DFFA: variants seen among roughly 807,000 people sequenced by gnomAD.
DFFA encodes DFF45.
A neutral mutation model predicts 28.0 loss-of-function variants in DFFA; 14 were observed. That is an observed-to-expected ratio of 0.50 (90% CI 0.33 to 0.78). DFFA has a LOEUF of 0.78. Among genes scored for constraint, DFFA ranks in the 30% least tolerant of loss-of-function variants. The probability of loss-of-function intolerance (pLI) is 0.02; values close to 1 mark genes in which losing one functional copy is unlikely to be tolerated. For missense variants in DFFA, 395 were observed against 407.1 expected (o/e 0.97, Z 0.26); for synonymous variants, 158 against 170.3 (o/e 0.93, Z 0.56).
rs751789370 is a variant in DFFA at position 10,472,342 on chromosome 1, G to A, written c.117C>T (p.Leu39=). Reference sequence around the variant, plus strand: ...GCCAACCCTTGCTCCTCAGGTCTTCGAGGCAGGAGGCGGCCACGCCGTGCT... The same window carrying A: ...GCCAACCCTTGCTCCTCAGGTCTTCAAGGCAGGAGGCGGCCACGCCGTGCT... ...REQHGVAASC[L]EDLRSKACDI... Residue 39 remains leucine, a synonymous_variant, in exon 1 of 6, where the codon CTC becomes CTT. Transcript: ENST00000377038. The surrounding 1 kb of genome is among the most constrained non-coding windows in gnomAD (Gnocchi z 5.0). 1.4e-5 allele frequency: 22 copies of A among 1,607,048 alleles called. No homozygotes were observed. The South Asian group carries it at 2.2e-4, about 16-fold the overall frequency.
chr1:10,463,219 A>G lies in DFFA; in HGVS notation c.632-10T>C. 2 of 1,612,354 alleles carry G rather than the reference A, an allele frequency of 1.2e-6. No homozygotes were observed. Among genetic ancestry groups the G allele is most frequent in the African/African-American group, 1.3e-5 (1 of 75,032 alleles). On this transcript the variant is annotated splice_polypyrimidine_tract_variant and intron_variant, in intron 4 of 5. Transcript: ENST00000377038. The stretch of plus-strand genomic sequence containing the variant: ...AAGGCAGCTTTGGACTCTGCAAAGG[A>G]GACACGAGACAGAGATCAGACGTGG...
Position 10,460,539 on chromosome 1 carries a change from T to C in DFFA, c.*951A>G, listed in dbSNP as rs1383541677. ...CACTGTCGTGCCTGTCCTTTTTTTT[T>C]TTTTTTTTGAGACAGAGTGTCACTC... On this transcript the variant is annotated 3_prime_UTR_variant, in exon 6 of 6. Transcript: ENST00000377038. The C allele has an allele frequency of 6.7e-6, 1 of 149,656 alleles. No homozygotes were observed. Among genetic ancestry groups the C allele is most frequent in the Non-Finnish European group, 1.5e-5 (1 of 67,468 alleles). 9.3% of individuals were successfully genotyped at this position (149,656 alleles called of 1,614,324 possible).
rs1234238508 is a variant in DFFA at position 10,461,213 on chromosome 1, CT to C, written c.*276del. 5.2e-6 allele frequency: 2 copies of C among 385,588 alleles called. No individual in the cohort carries two copies. Among genetic ancestry groups the C allele is most frequent in the Non-Finnish European group, 9.4e-6 (2 of 211,930 alleles). 23.9% of individuals were successfully genotyped at this position (385,588 alleles called of 1,614,324 possible). On this transcript the variant is annotated 3_prime_UTR_variant, in exon 6 of 6. Transcript: ENST00000377038. ...GTGAGCCACTGCGCCTGGCCAATCA[CT>C]GCCAATTACTTTTGAACAGAGAACA...
intron 3 of DFFA, among the ~76,000 whole-genome samples, chr1:10,465,267 G>C (rs1226395207): frequency 6.6e-6 from 1 of 151,618 alleles, no homozygotes; most frequent in Admixed American, 6.6e-5. Context: ...GCTAATTTTT[G>C]TAATTTTTTT....
At chr1:10,461,866 G>GT (rs1194337548) in intron 5 of DFFA, 164 bp from the exon 6 acceptor site, 14 of 985,318 alleles carry the variant, frequency 1.4e-5, no homozygotes, top group East Asian at 1.1e-4. Flanking sequence ...CGGGCTTTTT[G>GT]TTTTTTGAGA....
chr1:10,471,799 C>A lies in DFFA; in HGVS notation c.136+524G>T, dbSNP rs541870849. Among the ~76,000 whole-genome samples the A allele has an allele frequency of 2.6e-5, 4 of 152,270 alleles. No homozygotes were observed. In the East Asian group the frequency reaches 7.7e-4, roughly 29 times the overall value. On this transcript the variant is annotated intron_variant, in intron 1 of 5. Transcript: ENST00000377038. Reference sequence around the variant, plus strand: ...GTTGAGAGCTGGTTAAGTGCAAGGCCAAGCAGCTGGTAAAGGTATGGGGCC... The same window carrying A: ...GTTGAGAGCTGGTTAAGTGCAAGGCAAAGCAGCTGGTAAAGGTATGGGGCC...
In DFFA at chr1:10,467,307, T is replaced by C. The variant is rs1188138733; in HGVS notation, c.324A>G (p.Gln108=). The C allele has an allele frequency of 2.5e-6, 4 of 1,614,130 alleles. No homozygotes were observed. The highest frequency in any genetic ancestry group is 3.4e-6 in the Non-Finnish European group (4 of 1,180,016). The change falls in exon 3 of 6, where the codon CAA becomes CAG. Residue 108 remains glutamine, a synonymous_variant. Coordinates refer to ENST00000377038, the MANE Select transcript of DFFA (RefSeq NM_004401.3). The part of the protein sequence containing the change: ...NSDGGTAWIS[Q]ESFDVDETDS... ...CTGTTTCATCTACATCAAAGGACTCTTGGGAAATCCAAGCTGTACCTCCAT... is the reference window on the plus strand; with the variant it reads ...CTGTTTCATCTACATCAAAGGACTCCTGGGAAATCCAAGCTGTACCTCCAT...
In DFFA at chr1:10,461,238, C is replaced by T; in HGVS notation, c.*252G>A. On this transcript the variant is annotated 3_prime_UTR_variant, in exon 6 of 6. Coordinates refer to ENST00000377038, the MANE Select transcript of DFFA (RefSeq NM_004401.3). ...CTGCCAATTACTTTTGAACAGAGAA[C>T]ATCATATGTAATTAGAGGAGGCGGG... is the stretch of plus-strand genomic sequence containing the variant. 2.0e-6 allele frequency: 1 copy of T among 498,086 alleles called. No homozygotes were observed. The highest frequency in any genetic ancestry group is 3.6e-6 in the Non-Finnish European group (1 of 281,188). The allele number at this position is 498,086 out of a possible 1,614,324, so 30.9% of individuals were successfully genotyped here.
chr1:10,461,778 G>C, intron 5 of DFFA, 76 bp from the exon 6 acceptor site: 1 of 1,577,300 alleles, frequency 6.3e-7, no homozygotes, highest in Non-Finnish European at 8.6e-7. Context: ...CTCTCTTTTG[G>C]GGAGTGCAAT....
Position 10,461,125 on chromosome 1 carries a change from T to C in DFFA, c.*365A>G, listed in dbSNP as rs747635394. 139 of 181,150 alleles carry C rather than the reference T, an allele frequency of 7.7e-4. 1 individual carries two copies. The highest frequency in any genetic ancestry group is 1.9e-4 in the Non-Finnish European group (16 of 84,454). 11.2% of individuals were successfully genotyped at this position (181,150 alleles called of 1,614,324 possible). On this transcript the variant is annotated 3_prime_UTR_variant, in exon 6 of 6. Coordinates refer to ENST00000377038, the MANE Select transcript of DFFA (RefSeq NM_004401.3). ...CAGGGTTTCACCATGTTAGCCAGGA[T>C]GGTCTCGATCTCCTGACTTCACGAT...
chr1:10,461,894 A>C, intron 5 of DFFA, 192 bp from the exon 6 acceptor site: 1 of 982,668 alleles, frequency 1.0e-6, no homozygotes, highest in Non-Finnish European at 1.2e-6. Context: ...TCGCTCTGTC[A>C]CCCAGGCTGG....
At chr1:10,469,372 T>C in intron 1 of DFFA, 34 bp from the exon 2 acceptor site, 1 of 1,606,006 alleles carries the variant, frequency 6.2e-7, no homozygotes, top group Non-Finnish European at 8.5e-7. Context: ...AAATGACAAA[T>C]AACCGTAAGG....
rs773934021 is a variant in DFFA, at chr1:10,472,380, A to G, written c.79T>C (p.Tyr27His). Residue 27 changes from tyrosine (Y) to histidine (H), a missense_variant, in exon 1 of 6, where the codon TAC becomes CAC. Coordinates refer to ENST00000377038, the MANE Select transcript of DFFA (RefSeq NM_004401.3). This position sits in a 1 kb window ranked among gnomAD's most constrained non-coding sequence, Gnocchi z 5.0. ...TLKPCLLRRN[Y>H]SREQHGVAAS... ...GCCACGCCGTGCTGTTCGCGGCTGT[A>G]GTTGCGGCGCAGCAGACACGGCTTT... 4.3e-6 allele frequency: 7 copies of G among 1,612,226 alleles called. No individual in the cohort carries two copies. The Admixed American group carries it at 1.2e-4, about 27-fold the overall frequency.
chr1:10,461,287 T>C lies in DFFA; in HGVS notation c.*203A>G. On this transcript the variant is annotated 3_prime_UTR_variant, in exon 6 of 6. Coordinates refer to ENST00000377038, the MANE Select transcript of DFFA (RefSeq NM_004401.3). Reference sequence around the variant, plus strand: ...GGATATTGTTGGTGCAGCTATATCATTCAAAATTGGCAGAAGTCCTGAAGC... The same window carrying C: ...GGATATTGTTGGTGCAGCTATATCACTCAAAATTGGCAGAAGTCCTGAAGC... The C allele has an allele frequency of 3.0e-6, 2 of 674,124 alleles. No homozygotes were observed. Among genetic ancestry groups the C allele is most frequent in the South Asian group, 4.1e-5 (2 of 49,016 alleles). 41.8% of individuals were successfully genotyped at this position (674,124 alleles called of 1,614,324 possible). A position where few individuals can be genotyped will look rare whatever the true frequency, so the allele number is the denominator to read the frequency against.
rs1359913922 is a variant in DFFA at position 10,463,075 on chromosome 1, A to G, written c.766T>C (p.Ser256Pro). Residue 256 changes from serine to proline, a missense_variant, in exon 5 of 6, where the codon TCT (serine) becomes CCT (proline). Physicochemically the swap from Ser to Pro is moderately conservative, Grantham distance 74 (BLOSUM62 -1). Coordinates refer to ENST00000377038, the MANE Select transcript of DFFA (RefSeq NM_004401.3). ...CCGCCCACCTCCAAATCCTGACTAG[A>G]TAAGCTCAGCTCTGGAGCCTGCTTC... ...REKQAPELSL[S>P]SQDLELVTKE... The G allele has an allele frequency of 5.6e-6, 9 of 1,614,114 alleles. No homozygotes were observed. The highest frequency in any genetic ancestry group is 5.9e-6 in the Non-Finnish European group (7 of 1,180,026).
intron 4 of DFFA, 106 bp from the exon 5 acceptor site, chr1:10,463,315 G>A (rs565784702): frequency 4.0e-5 from 62 of 1,545,094 alleles, no homozygotes; most frequent in Admixed American, 3.7e-4. Context: ...TGCCCGTCCC[G>A]CATCCCAGCA....
rs1011469636 is a variant in DFFA at position 10,459,350 on chromosome 1, C to CT, written c.*2139dup. On this transcript the variant is annotated 3_prime_UTR_variant, in exon 6 of 6. Transcript: ENST00000377038. ...ACAGGAGGAGGACAAACCAGGCTTG[C>CT]TCTGCTTCACACCCAGAGACCTGGA... The CT allele has an allele frequency of 6.6e-6, 1 of 152,144 alleles. No homozygotes were observed. The highest frequency in any genetic ancestry group is 1.5e-5 in the Non-Finnish European group (1 of 68,038). 9.4% of individuals were successfully genotyped at this position (152,144 alleles called of 1,614,324 possible).
At position 10,472,489 on chromosome 1, in the gene DFFA, A is replaced by G; in HGVS notation, c.-31T>C. 1 of 1,560,992 alleles carries G rather than the reference A, an allele frequency of 6.4e-7. No homozygotes were observed. Among genetic ancestry groups the G allele is most frequent in the Non-Finnish European group, 8.7e-7 (1 of 1,147,228 alleles). ...ACAAGGTGGGACCTGCCCACCTTCG[A>G]GAAGTCGCGGGAGGCCGGAGCGGCG... On this transcript the variant is annotated 5_prime_UTR_variant, in exon 1 of 6. Transcript: ENST00000377038. This position sits in a 1 kb window ranked among gnomAD's most constrained non-coding sequence, Gnocchi z 5.0.
rs1360467875 is a variant in DFFA at position 10,462,661 on chromosome 1, TAGCC to T, written c.783+393_783+396del. On this transcript the variant is annotated intron_variant, in intron 5 of 5. Coordinates refer to ENST00000377038, the MANE Select transcript of DFFA (RefSeq NM_004401.3). Reference sequence around the variant, plus strand: ...CCTCAAGTTTTTAGCTCCCTGGTCTTAGCCAGCAGGCGACGATCCCCTCAAGTTT... The same window carrying T: ...CCTCAAGTTTTTAGCTCCCTGGTCTTAGCAGGCGACGATCCCCTCAAGTTT... 8.8e-6 allele frequency: 9 copies of T among 1,024,452 alleles called. No homozygotes were observed. In the East Asian group the frequency reaches 5.7e-4, roughly 65 times the overall value. The allele number at this position is 1,024,452 out of a possible 1,614,324, so 63.5% of individuals were successfully genotyped here.
Sources: allele counts gnomAD v4.1 joint callset (sites outside exome capture counted in the v4.1 genomes callset), GRCh38; gene constraint gnomAD v4.1.1; non-coding constraint Gnocchi (gnomAD v3.1); transcripts MANE v1.5; gene names NCBI Gene and HGNC (gene_info 2026-07-23, HGNC 2026-07-21).